PRKN: variants seen among roughly 807,000 people sequenced by gnomAD.
PRKN encodes parkin RBR E3 ubiquitin protein ligase.
PRKN carries 56 observed loss-of-function variants against 59.5 expected under a neutral mutation model. The observed-to-expected ratio is 0.94, with a 90% CI of 0.76 to 1.18. The LOEUF is 1.18. Ranked by LOEUF, PRKN falls within the 50% of genes most tolerant of loss-of-function variation. PRKN has a pLI of 0.00. For synonymous variants in PRKN, 250 were observed against 222.1 expected, an observed-to-expected ratio of 1.13 and a Z score of -1.12; for missense variants, 657 against 596.4, an observed-to-expected ratio of 1.10 and a Z score of -1.06.
At chr6:162,150,820 A>T (rs940240833) in intron 4 of PRKN, among the ~76,000 whole-genome samples, 1 of 152,152 alleles carries the variant, frequency 6.6e-6, no homozygotes, top group Non-Finnish European at 1.5e-5. Flanking sequence ...TATCTATTTT[A>T]AGGAAACTGT....
intron 2 of PRKN, among the ~76,000 whole-genome samples, chr6:162,363,434 C>T (rs944293221): frequency 6.6e-6 from 1 of 152,114 alleles, no homozygotes; most frequent in Non-Finnish European, 1.5e-5. Context: ...ATTTAATATA[C>T]CTCCATTTAG....
intron 1 of PRKN, among the ~76,000 whole-genome samples, chr6:162,670,655 T>C (rs776490150): frequency 6.6e-6 from 1 of 152,108 alleles, no homozygotes; most frequent in Non-Finnish European, 1.5e-5. Flanking sequence ...AAAGAAGACT[T>C]GCCACCACCT....
intron 2 of PRKN, among the ~76,000 whole-genome samples, chr6:162,326,882 G>C (rs1783309700): frequency 1.3e-5 from 2 of 152,102 alleles, no homozygotes; most frequent in South Asian, 4.2e-4. Flanking sequence ...GTAAAGAGAG[G>C]AGTTATGGTT....
At chr6:162,356,747 TAA>T (rs748212596) in intron 2 of PRKN, among the ~76,000 whole-genome samples, 15,505 of 72,532 alleles carry the variant, frequency 0.21, 893 homozygotes, top group African/African-American at 0.33. Context: ...TGATTATTAG[TAA>T]AAAAAAAAAA....
intron 7 of PRKN, among the ~76,000 whole-genome samples, chr6:161,699,927 T>G (rs1376944597): frequency 6.6e-6 from 1 of 152,160 alleles, no homozygotes; most frequent in Non-Finnish European, 1.5e-5. Flanking sequence ...TCTACAACTT[T>G]GAATTGGTTG....
chr6:162,442,415 C>T (rs950659013), intron 2 of PRKN, among the ~76,000 whole-genome samples: 19 of 152,152 alleles, frequency 1.2e-4, no homozygotes, highest in African/African-American at 3.9e-4. Context: ...TCCCAGAAAG[C>T]GTTTCGTCTT....
chr6:161,569,482 C>T (rs1435533081), intron 7 of PRKN, 66 bp from the exon 8 acceptor site: 5 of 1,394,040 alleles, frequency 3.6e-6, no homozygotes, highest in South Asian at 1.2e-5. Context: ...TGTTCTTACA[C>T]AGAGTTATGA....
At chr6:161,553,005 G>A (rs1780098763) in intron 8 of PRKN, among the ~76,000 whole-genome samples, 1 of 151,340 alleles carries the variant, frequency 6.6e-6, no homozygotes, top group Non-Finnish European at 1.5e-5. Context: ...TGGCCAGGAT[G>A]ATCTCGATCT....
chr6:161,897,446 C>G (rs960269357), intron 6 of PRKN, among the ~76,000 whole-genome samples: 2 of 152,146 alleles, frequency 1.3e-5, no homozygotes, highest in African/African-American at 4.8e-5. Context: ...AAAGTATTAT[C>G]TCTTTTTTAG....
At chr6:161,905,188 TAAC>T (rs1405220190) in intron 6 of PRKN, among the ~76,000 whole-genome samples, 3 of 152,196 alleles carry the variant, frequency 2.0e-5, no homozygotes, top group Non-Finnish European at 4.4e-5. Context: ...TTTATTCTGT[TAAC>T]AACCATGATT....
At chr6:162,555,120 T>C (rs566965634) in intron 1 of PRKN, among the ~76,000 whole-genome samples, 23 of 152,174 alleles carry the variant, frequency 1.5e-4, no homozygotes, top group Non-Finnish European at 2.9e-4. Flanking sequence ...CGCAAACACA[T>C]GGTAAATGAC....
intron 7 of PRKN, among the ~76,000 whole-genome samples, chr6:161,619,468 GTAA>G (rs768752482): frequency 6.6e-6 from 1 of 151,756 alleles, no homozygotes; most frequent in Non-Finnish European, 1.5e-5. Flanking sequence ...GATAAAATTG[GTAA>G]TAATGATATC....
chr6:161,354,972 C>T lies in PRKN; in HGVS notation c.1286-4761G>A, dbSNP rs1432751228. On this transcript the variant is annotated intron_variant, in intron 11 of 11. Coordinates refer to ENST00000366898, the MANE Select transcript of PRKN (RefSeq NM_004562.3). This position sits in a 1 kb window ranked among gnomAD's most constrained non-coding sequence, Gnocchi z 6.7. ...GGAGGCTGCCAGCATGTTCTGAGTCCAGGGCAGATCCGATGAATAATTTTC... is the reference window on the plus strand; with the variant it reads ...GGAGGCTGCCAGCATGTTCTGAGTCTAGGGCAGATCCGATGAATAATTTTC... Among the ~76,000 whole-genome samples, 3 of 152,208 alleles carry T rather than the reference C, an allele frequency of 2.0e-5. No homozygotes were observed. The highest frequency in any genetic ancestry group is 4.4e-5 in the Non-Finnish European group (3 of 68,022).
At chr6:162,455,914 TA>T (rs945013691) in intron 1 of PRKN, among the ~76,000 whole-genome samples, 5 of 151,842 alleles carry the variant, frequency 3.3e-5, no homozygotes, top group South Asian at 2.1e-4. Context: ...TTAAGTGAGT[TA>T]AAAAAAACTT....
At chr6:162,722,360 C>T (rs1375962474) in intron 1 of PRKN, among the ~76,000 whole-genome samples, 1 of 152,064 alleles carries the variant, frequency 6.6e-6, no homozygotes, top group Non-Finnish European at 1.5e-5. Context: ...TCCTTTTAAC[C>T]AAGATTCTAT....
intron 4 of PRKN, among the ~76,000 whole-genome samples, chr6:162,080,709 G>T (rs1304370834): frequency 6.6e-6 from 1 of 152,038 alleles, no homozygotes; most frequent in African/African-American, 2.4e-5. Flanking sequence ...GGTGATGGCT[G>T]CTGAAAGCTG....
intron 2 of PRKN, among the ~76,000 whole-genome samples, chr6:162,390,761 G>A (rs190837686): frequency 5.9e-4 from 89 of 151,930 alleles, no homozygotes; most frequent in African/African-American, 2.0e-3. Flanking sequence ...GTATATTAAC[G>A]GTCAGTTTAG....
chr6:161,842,978 ACTTTCAT>A (rs1416050691), intron 6 of PRKN, among the ~76,000 whole-genome samples: 2 of 152,190 alleles, frequency 1.3e-5, no homozygotes, highest in African/African-American at 4.8e-5. Context: ...GCTGAAACGA[ACTTTCAT>A]CTTTAATCTA....
chr6:162,693,690 C>G (rs1444302220), intron 1 of PRKN, among the ~76,000 whole-genome samples: 2 of 152,114 alleles, frequency 1.3e-5, no homozygotes. Flanking sequence ...TCAAAATATT[C>G]AAATTATCCA....
Sources: allele counts gnomAD v4.1 joint callset (sites outside exome capture counted in the v4.1 genomes callset), GRCh38; gene constraint gnomAD v4.1.1; non-coding constraint Gnocchi (gnomAD v3.1); transcripts MANE v1.5; gene names NCBI Gene and HGNC (gene_info 2026-07-23, HGNC 2026-07-21).